The following METTL2A variants were observed in gnomAD, a reference collection of about 807,000 sequenced individuals.
METTL2A encodes tRNA N(3)-cytidine methyltransferase METTL2A.
In METTL2A, 45 loss-of-function variants were observed where a neutral mutation model predicts 49.4. That is an observed-to-expected ratio of 0.91 (90% CI 0.72 to 1.17). METTL2A has a LOEUF of 1.17. Ranked by LOEUF, METTL2A falls within the 50% of genes most tolerant of loss-of-function variation. The probability of loss-of-function intolerance (pLI) is 0.00; values close to 1 mark genes in which losing one functional copy is unlikely to be tolerated. For synonymous variants in METTL2A, 118 were observed against 167.5 expected, an observed-to-expected ratio of 0.70 and a Z score of 2.28; for missense variants, 361 against 462.2, an observed-to-expected ratio of 0.78 and a Z score of 2.01.
intron 5 of METTL2A, among the ~76,000 whole-genome samples, chr17:62,436,075 CAA>C (rs34236956): frequency 6.6e-6 from 1 of 151,840 alleles, no homozygotes; most frequent in African/African-American, 2.4e-5. Context: ...ACTAAAAATA[CAA>C]AAAAATTAGC....
At chr17:62,428,706 A>G (rs2070644535) in intron 4 of METTL2A, among the ~76,000 whole-genome samples, 1 of 152,246 alleles carries the variant, frequency 6.6e-6, no homozygotes, top group Non-Finnish European at 1.5e-5. Flanking sequence ...TCTCACGCTC[A>G]GGAGCTTTGA....
chr17:62,431,570 G>T (rs2070665714), intron 4 of METTL2A, among the ~76,000 whole-genome samples: 1 of 151,876 alleles, frequency 6.6e-6, no homozygotes, highest in African/African-American at 2.4e-5. Flanking sequence ...CCAGGCCAGG[G>T]TTCTTAATAT....
chr17:62,435,584 C>T (rs1255684889), intron 5 of METTL2A, among the ~76,000 whole-genome samples: 2 of 152,130 alleles, frequency 1.3e-5, no homozygotes, highest in Non-Finnish European at 2.9e-5. Context: ...ATGTGTCATG[C>T]TTTGGTGATT....
At chr17:62,428,802 G>A (rs2070645176) in intron 4 of METTL2A, among the ~76,000 whole-genome samples, 1 of 152,094 alleles carries the variant, frequency 6.6e-6, no homozygotes, top group African/African-American at 2.4e-5. Flanking sequence ...TTTTAGTTTT[G>A]AGACAAGCTC....
Position 62,448,812 on chromosome 17 carries a change from C to T in METTL2A, c.*83C>T, listed in dbSNP as rs2070786589. On this transcript the variant is annotated 3_prime_UTR_variant, in exon 9 of 9. Coordinates refer to ENST00000311506, the MANE Select transcript of METTL2A (RefSeq NM_181725.4). ...AAAAATTGTAGCACTGGGCGTGGTGCATGCCTGTAATCCCAGCCACTCAGG... is the reference window on the plus strand; with the variant it reads ...AAAAATTGTAGCACTGGGCGTGGTGTATGCCTGTAATCCCAGCCACTCAGG... The T allele has an allele frequency of 1.9e-6, 3 of 1,569,184 alleles. No homozygotes were observed. Among genetic ancestry groups the T allele is most frequent in the Admixed American group, 1.8e-5 (1 of 55,894 alleles).
At chr17:62,428,019 T>C (rs954392947) in intron 4 of METTL2A, among the ~76,000 whole-genome samples, 182 bp downstream of exon 4, 25 of 152,246 alleles carry the variant, frequency 1.6e-4, no homozygotes, top group Non-Finnish European at 3.4e-4. Context: ...TTTTCAAAAC[T>C]TGCTGCATCA....
At chr17:62,443,487 C>A (rs2070749757) in intron 6 of METTL2A, among the ~76,000 whole-genome samples, 1 of 152,180 alleles carries the variant, frequency 6.6e-6, no homozygotes, top group Non-Finnish European at 1.5e-5. Context: ...CAGTGGCACA[C>A]ACTTTTAGTC....
intron 5 of METTL2A, among the ~76,000 whole-genome samples, chr17:62,436,887 T>C (rs1235910251): frequency 6.6e-6 from 1 of 152,210 alleles, no homozygotes; most frequent in Non-Finnish European, 1.5e-5. Flanking sequence ...ACCCTGCTGC[T>C]GCTTTATCAA....
rs1226923424 is a variant in METTL2A, at chr17:62,452,295, T to A, written c.*3566T>A. 6.6e-6 allele frequency among the ~76,000 whole-genome samples: 1 copy of A among 152,148 alleles called. No individual in the cohort carries two copies. The highest frequency in any genetic ancestry group is 1.5e-5 in the Non-Finnish European group (1 of 68,038). ...GCTGTGTTCCTCCCATAGGATCGTA[T>A]CAGGCGACACATGATTATGAATTTC... is the stretch of plus-strand genomic sequence containing the variant. On this transcript the variant is annotated 3_prime_UTR_variant, in exon 9 of 9. Coordinates refer to ENST00000311506, the MANE Select transcript of METTL2A (RefSeq NM_181725.4).
chr17:62,441,088 G>A (rs1205691852), intron 6 of METTL2A, among the ~76,000 whole-genome samples: 6 of 152,210 alleles, frequency 3.9e-5, no homozygotes, highest in Non-Finnish European at 5.9e-5. Flanking sequence ...TTATAGGTGT[G>A]AGCCACCATG....
At chr17:62,447,506 A>G (rs1302424788) in intron 7 of METTL2A, among the ~76,000 whole-genome samples, 195 bp from the exon 8 acceptor site, 2 of 152,146 alleles carry the variant, frequency 1.3e-5, no homozygotes, top group East Asian at 3.9e-4. Flanking sequence ...ACAATTCTAG[A>G]GTTTTGGAGT....
intron 7 of METTL2A, 92 bp from the exon 8 acceptor site, chr17:62,447,609 C>G: frequency 1.4e-6 from 2 of 1,432,846 alleles, no homozygotes; most frequent in Non-Finnish European, 2.0e-6. Context: ...GCTCTCCACC[C>G]AACAAACTGA....
chr17:62,442,999 T>C (rs892667844), intron 6 of METTL2A, among the ~76,000 whole-genome samples: 1 of 152,126 alleles, frequency 6.6e-6, no homozygotes, highest in African/African-American at 2.4e-5. Flanking sequence ...ACTGAAGTCA[T>C]CCAACCTGAG....
At chr17:62,438,454 C>A (rs1215050733) in intron 5 of METTL2A, among the ~76,000 whole-genome samples, 4 of 147,954 alleles carry the variant, frequency 2.7e-5, no homozygotes, top group Admixed American at 6.8e-5. Context: ...TGGTGGCATG[C>A]ACCTGTAATC....
intron 4 of METTL2A, among the ~76,000 whole-genome samples, chr17:62,429,313 CAG>C (rs202143204): frequency 0.014 from 2,109 of 152,176 alleles, 39 homozygotes; most frequent in African/African-American, 0.047. Context: ...ACAAAAGATA[CAG>C]AGTCTTGCTT....
At chr17:62,439,835 G>A (rs766027279) in intron 5 of METTL2A, among the ~76,000 whole-genome samples, 39 of 152,140 alleles carry the variant, frequency 2.6e-4, no homozygotes, top group Non-Finnish European at 1.6e-4. Context: ...TCATGCATGA[G>A]AAGTACAGAA....
chr17:62,434,353 A>G (rs1187067866), intron 4 of METTL2A, among the ~76,000 whole-genome samples: 20 of 152,160 alleles, frequency 1.3e-4, no homozygotes, highest in Admixed American at 1.3e-3. Context: ...TCCAAAGGTC[A>G]ACAGTTCAGC....
intron 2 of METTL2A, among the ~76,000 whole-genome samples, chr17:62,424,969 A>G (rs2070613422): frequency 6.6e-6 from 1 of 150,812 alleles, no homozygotes; most frequent in Admixed American, 6.7e-5. Context: ...CTGTACAACA[A>G]AAAGATTCCA....
At position 62,444,863 on chromosome 17, in the gene METTL2A, G is replaced by A. The variant is rs780502367; in HGVS notation, c.836G>A (p.Ser279Asn). ...DKMQKAINRLSRLLKPGGMML... is the reference protein window; with the variant it reads ...DKMQKAINRLNRLLKPGGMML... ...ATGCAGAAGGCTATCAACAGGCTGA[G>A]CAGGCTTCTGAAACCTGGCGGGATG... The change falls in exon 7 of 9, where the codon AGC (serine) becomes AAC (asparagine). Residue 279 changes from serine to asparagine, a missense_variant. Around this residue, in one of 3 missense-constraint regions of METTL2A, gnomAD observed 183 missense variants for 216.5 expected, o/e 0.85. Coordinates refer to ENST00000311506, the MANE Select transcript of METTL2A (RefSeq NM_181725.4). The A allele has an allele frequency of 1.8e-5, 29 of 1,613,870 alleles. No homozygotes were observed. Among genetic ancestry groups the A allele is most frequent in the Non-Finnish European group, 2.5e-5 (29 of 1,179,946 alleles).
Sources: allele counts gnomAD v4.1 joint callset (sites outside exome capture counted in the v4.1 genomes callset), GRCh38; gene constraint gnomAD v4.1.1; regional missense constraint gnomAD v4.1.1; transcripts MANE v1.5; gene names NCBI Gene and HGNC (gene_info 2026-07-23, HGNC 2026-07-21).